Variants in RTTN observed in about 807,000 individuals in gnomAD.
RTTN encodes the protein rotatin.
Under a neutral mutation model 269.2 loss-of-function variants are expected in RTTN, and 182 were observed. The observed-to-expected ratio is 0.68, with a 90% CI of 0.60 to 0.76. The LOEUF is 0.76. Ranked by LOEUF, RTTN falls within the 30% of genes least tolerant of loss-of-function variation. The probability of loss-of-function intolerance (pLI) is 0.00; values close to 1 mark genes in which losing one functional copy is unlikely to be tolerated. For synonymous variants in RTTN, 1,006 were observed against 963.5 expected, an observed-to-expected ratio of 1.04 and a Z score of -0.82; for missense variants, 2,545 against 2,608.6, an observed-to-expected ratio of 0.98 and a Z score of 0.53.
At chr18:70,086,556 T>G in intron 32 of RTTN, 57 bp downstream of exon 32, 1 of 1,301,654 alleles carries the variant, frequency 7.7e-7, no homozygotes, top group Non-Finnish European at 1.1e-6. Flanking sequence ...TACTGAAAAT[T>G]TATCACCAAT....
At chr18:70,136,655 A>T (rs1337028713) in intron 21 of RTTN, among the ~76,000 whole-genome samples, 1 of 151,916 alleles carries the variant, frequency 6.6e-6, no homozygotes, top group Non-Finnish European at 1.5e-5. Flanking sequence ...CTATAAGATT[A>T]AAAAAAATTA....
At chr18:70,122,191 A>T (rs2059755978) in intron 25 of RTTN, among the ~76,000 whole-genome samples, 1 of 152,160 alleles carries the variant, frequency 6.6e-6, no homozygotes, top group African/African-American at 2.4e-5. Context: ...CTGAAGGTAG[A>T]CTTAGGATGA....
intron 36 of RTTN, among the ~76,000 whole-genome samples, chr18:70,058,983 G>GC (rs1373483868): frequency 2.0e-5 from 3 of 152,172 alleles, no homozygotes; most frequent in Non-Finnish European, 4.4e-5. Context: ...GCAAGAAGAT[G>GC]CAAGACATTT....
At position 70,183,240 on chromosome 18, in the gene RTTN, T is replaced by C. The variant is rs1239505217; in HGVS notation, c.1305+4868A>G. Among the ~76,000 whole-genome samples, 3 of 152,302 alleles carry C rather than the reference T, an allele frequency of 2.0e-5. No homozygotes were observed. In the East Asian group the frequency reaches 5.8e-4, roughly 29 times the overall value. On this transcript the variant is annotated intron_variant, in intron 10 of 48. Transcript: ENST00000640769. ...AAGAGTCTGACAGTCTCGATGACTT[T>C]AGGAGATGAAGATGCCTGTGGAAGC...
intron 9 of RTTN, among the ~76,000 whole-genome samples, chr18:70,190,178 T>C (rs1263136016): frequency 6.6e-6 from 1 of 151,452 alleles, no homozygotes; most frequent in Admixed American, 6.6e-5. Context: ...TTCCAGTTGC[T>C]GAATGTTGTC....
chr18:70,082,637 T>C (rs2058599870), intron 32 of RTTN, among the ~76,000 whole-genome samples: 1 of 152,182 alleles, frequency 6.6e-6, no homozygotes. Flanking sequence ...CAATACAGTT[T>C]CGTGTCAACT....
chr18:70,183,967 T>C (rs1257065869), intron 10 of RTTN, among the ~76,000 whole-genome samples: 1 of 152,106 alleles, frequency 6.6e-6, no homozygotes, highest in Non-Finnish European at 1.5e-5. Context: ...AAGATCTTAC[T>C]TTGTTGCCCA....
chr18:70,098,830 T>G (rs1382636027), intron 28 of RTTN, among the ~76,000 whole-genome samples: 36 of 152,078 alleles, frequency 2.4e-4, no homozygotes, highest in Non-Finnish European at 1.5e-5. Context: ...TGTGTGATGT[T>G]CCCTACCCTG....
intron 19 of RTTN, among the ~76,000 whole-genome samples, chr18:70,140,995 T>C (rs2145721308): frequency 6.6e-6 from 1 of 152,198 alleles, no homozygotes; most frequent in East Asian, 1.9e-4. Flanking sequence ...AAAAAAAATT[T>C]CCATTGCCCC....
At chr18:70,107,803 T>C (rs577356636) in intron 28 of RTTN, among the ~76,000 whole-genome samples, 1 of 152,182 alleles carries the variant, frequency 6.6e-6, no homozygotes, top group East Asian at 1.9e-4. Flanking sequence ...ATGTCTGCAA[T>C]GAAAGGGGAC....
intron 8 of RTTN, 22 bp downstream of exon 8, chr18:70,193,266 C>G (rs370631580): frequency 6.3e-7 from 1 of 1,594,386 alleles, no homozygotes; most frequent in East Asian, 2.3e-5. Flanking sequence ...CTCATTTCCC[C>G]AGAGACACTG....
At chr18:70,102,160 TA>T (rs1347773682) in intron 28 of RTTN, among the ~76,000 whole-genome samples, 1 of 152,230 alleles carries the variant, frequency 6.6e-6, no homozygotes, top group Non-Finnish European at 1.5e-5. Flanking sequence ...CTGATCTGTC[TA>T]ATGTTGACAG....
intron 43 of RTTN, among the ~76,000 whole-genome samples, chr18:70,025,321 T>C (rs945296463): frequency 6.6e-6 from 1 of 152,198 alleles, no homozygotes; most frequent in Non-Finnish European, 1.5e-5. Flanking sequence ...TTTGAATATA[T>C]AAAATTCAGT....
intron 23 of RTTN, chr18:70,131,278 C>T (rs191224682): frequency 1.2e-4 from 18 of 150,542 alleles, no homozygotes; most frequent in African/African-American, 2.9e-4. Context: ...GTAACAGAAA[C>T]GACCACGGTA....
intron 14 of RTTN, among the ~76,000 whole-genome samples, chr18:70,151,223 T>C (rs1334868158): frequency 6.7e-6 from 1 of 148,220 alleles, no homozygotes; most frequent in Non-Finnish European, 1.5e-5. Flanking sequence ...TATATAATTT[T>C]TTATGCTACA....
At chr18:70,096,733 C>T (rs1355206018) in intron 28 of RTTN, among the ~76,000 whole-genome samples, 1 of 152,188 alleles carries the variant, frequency 6.6e-6, no homozygotes, top group Admixed American at 6.5e-5. Context: ...TGTCTGTCAA[C>T]CCCTGCTGGG....
chr18:70,163,069 T>TAAAAAAAAAAAAAAAAAAAA (rs10559303), intron 14 of RTTN, among the ~76,000 whole-genome samples: 4 of 56,984 alleles, frequency 7.0e-5, no homozygotes, highest in African/African-American at 2.8e-4. Context: ...TTACTATTAT[T>TAAAAAAAAAAAAAAAAAAAA]AAAAAAAAAA....
At chr18:70,203,591 G>A (rs112630696) in intron 3 of RTTN, among the ~76,000 whole-genome samples, 1,990 of 152,254 alleles carry the variant, frequency 0.013, 26 homozygotes, top group Middle Eastern at 0.027. Flanking sequence ...CAGCAGAACT[G>A]AGACTTAAAT....
In RTTN at chr18:70,128,350, G is replaced by A; in HGVS notation, c.3143+8C>T. 1 of 1,604,082 alleles carries A rather than the reference G, an allele frequency of 6.2e-7. No individual in the cohort carries two copies. The highest frequency in any genetic ancestry group is 1.1e-5 in the South Asian group (1 of 89,622). On this transcript the variant is annotated splice_region_variant and intron_variant, in intron 24 of 48. Coordinates refer to ENST00000640769, the MANE Select transcript of RTTN (RefSeq NM_173630.4). The stretch of plus-strand genomic sequence containing the variant: ...GCAAATGCTTTTTAAACTAATATAA[G>A]AGCTTACTCTTGCGTTTTAGTTTCA...
Sources: allele counts gnomAD v4.1 joint callset (sites outside exome capture counted in the v4.1 genomes callset), GRCh38; gene constraint gnomAD v4.1.1; transcripts MANE v1.5; gene names NCBI Gene and HGNC (gene_info 2026-07-23, HGNC 2026-07-21).